Variants in CDCA4 observed in about 807,000 individuals in gnomAD.
The protein encoded by CDCA4 is cell division cycle-associated protein 4.
For missense variants in CDCA4, 294 were observed against 322.1 expected (o/e 0.91, Z 0.67); for synonymous variants, 130 against 137.0 (o/e 0.95, Z 0.36).
At chr14:105,013,694 A>G (rs1900565233) in intron 1 of CDCA4, among the ~76,000 whole-genome samples, 1 of 152,064 alleles carries the variant, frequency 6.6e-6, no homozygotes, top group Admixed American at 6.6e-5. Flanking sequence ...GGAGGCTCCC[A>G]CCTGCTGGTC....
rs1202197444 is a variant in CDCA4 at position 105,011,124 on chromosome 14, G to A, written c.*80C>T. ...ACAGGGCAGCAAGGCTGGGCCGCTG[G>A]CGGCAGGCGCACCCTCCGTGGGAGC... On this transcript the variant is annotated 3_prime_UTR_variant, in exon 2 of 2. Transcript: ENST00000336219. 4 of 1,478,646 alleles carry A rather than the reference G, an allele frequency of 2.7e-6. No homozygotes were observed. In the African/African-American group the frequency reaches 5.7e-5, roughly 21 times the overall value. The allele number at this position is 1,478,646 out of a possible 1,614,324, so 91.6% of individuals were successfully genotyped here.
At chr14:105,014,995 C>G (rs916476877) in intron 1 of CDCA4, among the ~76,000 whole-genome samples, 1 of 152,172 alleles carries the variant, frequency 6.6e-6, no homozygotes, top group African/African-American at 2.4e-5. Context: ...TACAGGAGGT[C>G]AGCACGACTG....
Position 105,011,846 on chromosome 14 carries a change from G to A in CDCA4, c.84C>T (p.Ser28=), listed in dbSNP as rs745447408. The change falls in exon 2 of 2, where the codon TCC becomes TCT. Residue 28 remains serine, a synonymous_variant. Transcript: ENST00000336219. ...GCGACTGCCGCTGCAGGCTGTATGAGGACACTGTCTTCAAGCCGGCCAGGG... is the reference window on the plus strand; with the variant it reads ...GCGACTGCCGCTGCAGGCTGTATGAAGACACTGTCTTCAAGCCGGCCAGGG... The part of the protein sequence containing the change: ...EGALAGLKTV[S]SYSLQRQSLL... The A allele has an allele frequency of 9.9e-6, 16 of 1,613,932 alleles. No homozygotes were observed. Among genetic ancestry groups the A allele is most frequent in the East Asian group, 2.2e-5 (1 of 44,892 alleles).
chr14:105,011,799 T>C lies in CDCA4; in HGVS notation c.131A>G (p.Lys44Arg). Residue 44 changes from lysine to arginine, a missense_variant, in exon 2 of 2, where the codon AAG becomes AGG. Transcript: ENST00000336219. ...RQSLLDMSLV[K>R]LQLCHMLVEP... ...CACAAGCATGTGGCAAAGCTGCAAC[T>C]TCACCAGAGACATGTCCAGGAGCGA... 6.2e-7 allele frequency: 1 copy of C among 1,613,822 alleles called. No individual in the cohort carries two copies. The highest frequency in any genetic ancestry group is 1.3e-5 in the African/African-American group (1 of 75,074).
Position 105,011,410 on chromosome 14 carries a change from G to A in CDCA4, c.520C>T (p.Pro174Ser). The change falls in exon 2 of 2, where the codon CCC becomes TCC. Residue 174 changes from proline (P) to serine (S), a missense_variant. Transcript: ENST00000336219. ...QIFETLETKN[P>S]SCMEELFSDV... ...GAGAACAGCTCTTCCATGCAGCTGG[G>A]GTTTTTAGTCTCCAGCGTTTCAAAT... The A allele has an allele frequency of 1.2e-6, 2 of 1,614,210 alleles. No homozygotes were observed. Among genetic ancestry groups the A allele is most frequent in the Non-Finnish European group, 8.5e-7 (1 of 1,180,010 alleles).
At chr14:105,018,752 T>C (rs1222150983) in intron 1 of CDCA4, among the ~76,000 whole-genome samples, 1 of 151,814 alleles carries the variant, frequency 6.6e-6, no homozygotes, top group African/African-American at 2.4e-5. Flanking sequence ...TTTTTTTTTT[T>C]TTAAGACAGA....
At chr14:105,012,941 G>A (rs1004710851) in intron 1 of CDCA4, among the ~76,000 whole-genome samples, 8 of 152,198 alleles carry the variant, frequency 5.3e-5, no homozygotes, top group African/African-American at 1.4e-4. Flanking sequence ...GTGTGTGTCC[G>A]GGGCAGGGGG....
chr14:105,016,890 C>T (rs1239339114), intron 1 of CDCA4, among the ~76,000 whole-genome samples: 1 of 152,254 alleles, frequency 6.6e-6, no homozygotes, highest in East Asian at 1.9e-4. Flanking sequence ...AGTGTCACCA[C>T]ACCCCAGCTG....
chr14:105,020,049 C>A (rs1886185061), intron 1 of CDCA4, among the ~76,000 whole-genome samples: 1 of 152,220 alleles, frequency 6.6e-6, no homozygotes, highest in African/African-American at 2.4e-5. Context: ...GAAACACACT[C>A]CTTCTTTTCC....
chr14:105,014,504 C>T (rs1387356155), intron 1 of CDCA4, among the ~76,000 whole-genome samples: 1 of 152,212 alleles, frequency 6.6e-6, no homozygotes, highest in Non-Finnish European at 1.5e-5. Flanking sequence ...AGGCTGGGCA[C>T]CGCCTCTCAC....
chr14:105,011,665 G>A lies in CDCA4; in HGVS notation c.265C>T (p.Arg89Trp), dbSNP rs147965891. Residue 89 changes from arginine (R) to tryptophan (W), a missense_variant, in exon 2 of 2, where the codon CGG (arginine) becomes TGG (tryptophan). Physicochemically the swap from Arg to Trp is moderately radical, Grantham distance 101. Transcript: ENST00000336219. The stretch of plus-strand genomic sequence containing the variant: ...GAGACCAAGCGGTCGAGCGGCGCCC[G>A]CTCTGCAGCCTGGGGTGCCACTGTG... ...WRTVAPQAAERAPLDRLVSTE... is the reference protein window; with the variant it reads ...WRTVAPQAAEWAPLDRLVSTE... The A allele has an allele frequency of 3.8e-5, 61 of 1,613,684 alleles. No homozygotes were observed. The Middle Eastern group carries it at 1.2e-3, about 31-fold the overall frequency.
chr14:105,020,762 C>T (rs1886210899), intron 1 of CDCA4, among the ~76,000 whole-genome samples: 1 of 151,896 alleles, frequency 6.6e-6, no homozygotes, highest in African/African-American at 2.4e-5. Flanking sequence ...GACGGCGGCC[C>T]GGGCCCCTCT....
rs1254172303 is a variant in CDCA4, at chr14:105,011,910, T to C, written c.20A>G (p.Lys7Arg). The C allele has an allele frequency of 6.2e-7, 1 of 1,610,744 alleles. No homozygotes were observed. Among genetic ancestry groups the C allele is most frequent in the African/African-American group, 1.3e-5 (1 of 75,036 alleles). The change falls in exon 2 of 2, where the codon AAG becomes AGG. Residue 7 changes from lysine (K) to arginine (R), a missense_variant. Transcript: ENST00000336219. MFARGL[K>R]RKCVGHEEDV... ...TTCCTCGTGGCCAACACATTTCCTC[T>C]TCAGTCCTCGTGCAAACATTGTGTC...
intron 1 of CDCA4, among the ~76,000 whole-genome samples, chr14:105,019,131 T>C (rs909732510): frequency 2.0e-5 from 3 of 151,918 alleles, no homozygotes; most frequent in Admixed American, 6.5e-5. Flanking sequence ...AAGCCCTCAG[T>C]CAACTCCCAG....
intron 1 of CDCA4, among the ~76,000 whole-genome samples, chr14:105,012,832 G>A (rs867472229): frequency 2.1e-4 from 32 of 152,098 alleles, no homozygotes; most frequent in Middle Eastern, 3.4e-3. Flanking sequence ...CCCTCCACTC[G>A]AGAGCTCTGA....
At position 105,009,734 on chromosome 14, in the gene CDCA4, C is replaced by A. The variant is rs947032940; in HGVS notation, c.*1470G>T. 1.3e-5 allele frequency: 2 copies of A among 152,210 alleles called. No homozygotes were observed. Among genetic ancestry groups the A allele is most frequent in the Admixed American group, 1.3e-4 (2 of 15,276 alleles). 9.4% of individuals were successfully genotyped at this position (152,210 alleles called of 1,614,324 possible). ...GGTCGTGGACACCCCCAACTCCAGC[C>A]GGGCGCTGAACAATGTAAAAAGAAT... On this transcript the variant is annotated 3_prime_UTR_variant, in exon 2 of 2. Transcript: ENST00000336219.
chr14:105,013,200 G>GTT lies in CDCA4; in HGVS notation c.-6-1267_-6-1266dup, dbSNP rs78358909. ...TCAGAAGTACAAGTCTGTGCAAACT[G>GTT]TTTTTTTTTTTTTTTAACTGATTCT... On this transcript the variant is annotated intron_variant, in intron 1 of 1. Coordinates refer to ENST00000336219, the MANE Select transcript of CDCA4 (RefSeq NM_017955.4). 3.7e-3 allele frequency among the ~76,000 whole-genome samples: 550 copies of GTT among 147,178 alleles called. 3 individuals are homozygous for GTT. Among genetic ancestry groups the GTT allele is most frequent in the African/African-American group, 0.013 (526 of 39,550 alleles).
Position 105,011,325 on chromosome 14 carries a change from G to A in CDCA4, c.605C>T (p.Ala202Val), listed in dbSNP as rs1312795304. 12 of 1,614,134 alleles carry A rather than the reference G, an allele frequency of 7.4e-6. No individual in the cohort carries two copies. In the East Asian group the frequency reaches 2.5e-4, roughly 33 times the overall value. The stretch of plus-strand genomic sequence containing the variant: ...GAGCCCTTCGCAGGGGCCCGGCCTG[G>A]CACCCCCCATCATGCCTGTCAGTAC... The part of the protein sequence containing the change: ...DTVLTGMMGG[A>V]RPGPCEGLEG... Residue 202 changes from alanine (A) to valine (V), a missense_variant, in exon 2 of 2, where the codon GCC (alanine) becomes GTC (valine). By Grantham distance (64) the Ala-to-Val change is moderately conservative. Coordinates refer to ENST00000336219, the MANE Select transcript of CDCA4 (RefSeq NM_017955.4).
At position 105,010,599 on chromosome 14, in the gene CDCA4, A is replaced by G. The variant is rs1595451547; in HGVS notation, c.*605T>C. 1 of 152,488 alleles carries G rather than the reference A, an allele frequency of 6.6e-6. No homozygotes were observed. The highest frequency in any genetic ancestry group is 1.9e-4 in the East Asian group (1 of 5,204). 9.4% of individuals were successfully genotyped at this position (152,488 alleles called of 1,614,324 possible). A position where few individuals can be genotyped will look rare whatever the true frequency, so the allele number is the denominator to read the frequency against. ...ACACATTTAAAGTAAAACATGATAC[A>G]TTCACACTGTTGACTGAGACTGTAG... On this transcript the variant is annotated 3_prime_UTR_variant, in exon 2 of 2. Coordinates refer to ENST00000336219, the MANE Select transcript of CDCA4 (RefSeq NM_017955.4).
Sources: allele counts gnomAD v4.1 joint callset (sites outside exome capture counted in the v4.1 genomes callset), GRCh38; gene constraint gnomAD v4.1.1; transcripts MANE v1.5; gene names NCBI Gene and HGNC (gene_info 2026-07-23, HGNC 2026-07-21).